Variants in PTPN13 observed in about 807,000 individuals in gnomAD.
PTPN13 encodes protein tyrosine phosphatase non-receptor type 13.
A neutral mutation model predicts 284.0 loss-of-function variants in PTPN13; 191 were observed. The observed-to-expected ratio is 0.67, with a 90% confidence interval of 0.60 to 0.76. The LOEUF (loss-of-function observed/expected upper bound fraction) is 0.76. Ranked by LOEUF, PTPN13 falls within the 30% of genes least tolerant of loss-of-function variation. The pLI is 0.00. For missense variants in PTPN13, 2,797 were observed against 2,939.9 expected, an observed-to-expected ratio of 0.95 and a Z score of 1.12; for synonymous variants, 986 against 1,022.3, an observed-to-expected ratio of 0.96 and a Z score of 0.68.
intron 3 of PTPN13, among the ~76,000 whole-genome samples, chr4:86,681,270 C>A: frequency 6.6e-6 from 1 of 152,230 alleles, no homozygotes; most frequent in East Asian, 1.9e-4. Flanking sequence ...ATATTTATAT[C>A]TCTCTCCTGT....
intron 6 of PTPN13, 137 bp from the exon 7 acceptor site, chr4:86,701,104 C>T: frequency 1.6e-6 from 1 of 621,944 alleles, no homozygotes; most frequent in Non-Finnish European, 2.7e-6. Flanking sequence ...TGACCATCAT[C>T]ACCATCCCAT....
chr4:86,770,256 T>A, intron 30 of PTPN13, 57 bp downstream of exon 30: 1 of 1,442,080 alleles, frequency 6.9e-7, no homozygotes, highest in Non-Finnish European at 9.6e-7. Context: ...AGCAACTAAC[T>A]AATTCAGCTG....
At chr4:86,654,537 C>T (rs1056944410) in intron 2 of PTPN13, among the ~76,000 whole-genome samples, 1 of 152,184 alleles carries the variant, frequency 6.6e-6, no homozygotes, top group Non-Finnish European at 1.5e-5. Flanking sequence ...TGTTCAGTTT[C>T]CATGTAGTTG....
intron 31 of PTPN13, among the ~76,000 whole-genome samples, chr4:86,772,459 C>T (rs1448860166): frequency 6.6e-6 from 1 of 151,964 alleles, no homozygotes; most frequent in Non-Finnish European, 1.5e-5. Flanking sequence ...GTGGCTGCGG[C>T]AGGAGAATCA....
intron 17 of PTPN13, among the ~76,000 whole-genome samples, chr4:86,749,160 T>C (rs1022907555): frequency 1.3e-5 from 2 of 152,040 alleles, no homozygotes; most frequent in African/African-American, 4.8e-5. Flanking sequence ...TGAGAGAAAA[T>C]ATCAATTATT....
At chr4:86,755,353 T>A (rs1378547192) in intron 20 of PTPN13, among the ~76,000 whole-genome samples, 1 of 146,848 alleles carries the variant, frequency 6.8e-6, no homozygotes, top group African/African-American at 2.5e-5. Flanking sequence ...CAAAAGTTGC[T>A]CAACTTAAAA....
At chr4:86,661,526 C>A (rs150274675) in intron 2 of PTPN13, among the ~76,000 whole-genome samples, 1 of 152,164 alleles carries the variant, frequency 6.6e-6, no homozygotes, top group East Asian at 1.9e-4. Flanking sequence ...TCCTCCTTTT[C>A]TTTTTGAGAA....
At chr4:86,610,298 T>G (rs1179034671) in intron 1 of PTPN13, among the ~76,000 whole-genome samples, 1 of 138,518 alleles carries the variant, frequency 7.2e-6, no homozygotes, top group African/African-American at 2.7e-5. Context: ...CAAAGACAGC[T>G]TCCTACTATT....
At chr4:86,802,626 G>T (rs115245461) in intron 42 of PTPN13, among the ~76,000 whole-genome samples, 5,196 of 152,264 alleles carry the variant, frequency 0.034, 157 homozygotes, top group Non-Finnish European at 0.053. Context: ...GTTAATTGTA[G>T]TTATCAGCCT....
At chr4:86,736,706 A>T (rs1735559446) in intron 15 of PTPN13, among the ~76,000 whole-genome samples, 1 of 152,212 alleles carries the variant, frequency 6.6e-6, no homozygotes, top group African/African-American at 2.4e-5. Flanking sequence ...TGGCACAGTG[A>T]AAAGAATTTG....
At chr4:86,752,866 T>C (rs1293341273) in intron 19 of PTPN13, 143 bp from the exon 20 acceptor site, 1 of 461,496 alleles carries the variant, frequency 2.2e-6, no homozygotes, top group Admixed American at 3.8e-5. Flanking sequence ...AAAATGCCCA[T>C]TGGAGGATGT....
At chr4:86,808,561 AC>A (rs1266089217) in intron 45 of PTPN13, among the ~76,000 whole-genome samples, 1 of 152,214 alleles carries the variant, frequency 6.6e-6, no homozygotes, top group Non-Finnish European at 1.5e-5. Flanking sequence ...TTTTATAGAA[AC>A]AAAGCATATC....
intron 2 of PTPN13, among the ~76,000 whole-genome samples, chr4:86,647,336 G>A (rs960774547): frequency 6.6e-6 from 1 of 151,912 alleles, no homozygotes; most frequent in African/African-American, 2.4e-5. Context: ...TTTAAGCTGT[G>A]TTTTTAAAAG....
intron 42 of PTPN13, among the ~76,000 whole-genome samples, chr4:86,801,048 A>G (rs562197812): frequency 1.8e-4 from 28 of 152,324 alleles, no homozygotes; most frequent in African/African-American, 6.3e-4. Flanking sequence ...GATTGACATA[A>G]TTAAAGCTAC....
chr4:86,690,542 A>G (rs1328427191), intron 5 of PTPN13, among the ~76,000 whole-genome samples: 3 of 152,116 alleles, frequency 2.0e-5, no homozygotes, highest in Non-Finnish European at 4.4e-5. Context: ...AGACATTCTC[A>G]TAAGACTAAT....
chr4:86,602,713 G>C (rs1335956792), intron 1 of PTPN13, among the ~76,000 whole-genome samples: 2 of 146,388 alleles, frequency 1.4e-5, no homozygotes, highest in African/African-American at 5.1e-5. Flanking sequence ...TTTTTTTTGA[G>C]ACAAGGTCTC....
chr4:86,663,923 T>G (rs1219204299), intron 2 of PTPN13, among the ~76,000 whole-genome samples: 1 of 152,164 alleles, frequency 6.6e-6, no homozygotes, highest in Non-Finnish European at 1.5e-5. Flanking sequence ...CATACATACC[T>G]CATTTTATGT....
chr4:86,741,550 G>T, intron 15 of PTPN13, 84 bp from the exon 16 acceptor site: 1 of 1,274,904 alleles, frequency 7.8e-7, no homozygotes, highest in South Asian at 1.5e-5. Context: ...GGGGGGACAC[G>T]GCCAAACCAT....
intron 2 of PTPN13, among the ~76,000 whole-genome samples, chr4:86,639,494 G>A (rs928129268): frequency 1.3e-5 from 2 of 151,864 alleles, no homozygotes; most frequent in African/African-American, 4.8e-5. Context: ...ATACTATGCA[G>A]CCATAAAAAA....
Sources: gnomAD v4.1 joint callset for allele counts (sites outside exome capture counted in the v4.1 genomes callset) on GRCh38, gnomAD v4.1.1 for gene constraint, MANE v1.5 for transcripts, NCBI Gene and HGNC (gene_info 2026-07-23, HGNC 2026-07-21) for gene names.